Variants in TESK2 observed in about 807,000 individuals in gnomAD.
TESK2 encodes the protein testis associated actin remodelling kinase 2, also known as dual specificity testis-specific protein kinase 2.
TESK2 carries 39 observed loss-of-function variants against 57.1 expected under a neutral mutation model. The observed-to-expected ratio is 0.68, with a 90% confidence interval of 0.53 to 0.89. TESK2 has a LOEUF of 0.89. Among genes scored for constraint, TESK2 ranks in the 40% least tolerant of loss-of-function variants. TESK2 has a pLI of 0.00. For synonymous variants in TESK2, 249 were observed against 267.9 expected, an observed-to-expected ratio of 0.93 and a Z score of 0.69; for missense variants, 646 against 732.1, an observed-to-expected ratio of 0.88 and a Z score of 1.36.
At chr1:45,460,564 G>A (rs1309951005) in intron 1 of TESK2, among the ~76,000 whole-genome samples, 1 of 151,836 alleles carries the variant, frequency 6.6e-6, no homozygotes, top group Non-Finnish European at 1.5e-5. Flanking sequence ...AAATAGGGTC[G>A]GGTGCAGGGG....
intron 1 of TESK2, among the ~76,000 whole-genome samples, chr1:45,464,896 T>C (rs1652479890): frequency 6.6e-6 from 1 of 151,958 alleles, no homozygotes; most frequent in Non-Finnish European, 1.5e-5. Context: ...AGGTCAGGAG[T>C]TCCAGACTGG....
intron 1 of TESK2, among the ~76,000 whole-genome samples, chr1:45,459,219 C>T (rs1212253577): frequency 1.3e-5 from 2 of 152,172 alleles, no homozygotes; most frequent in Non-Finnish European, 2.9e-5. Flanking sequence ...CATGTAAACT[C>T]AGAAGCTGCT....
intron 4 of TESK2, among the ~76,000 whole-genome samples, chr1:45,371,887 T>C (rs1648202508): frequency 6.6e-6 from 1 of 151,450 alleles, no homozygotes; most frequent in East Asian, 1.9e-4. Context: ...GAAAATAGAA[T>C]GGTTGTTACC....
At chr1:45,488,723 C>T (rs1323989448) in intron 1 of TESK2, among the ~76,000 whole-genome samples, 2 of 152,196 alleles carry the variant, frequency 1.3e-5, no homozygotes, top group Non-Finnish European at 2.9e-5. Flanking sequence ...AACCAGCTCT[C>T]CTTCACAACC....
At chr1:45,488,343 A>G (rs1653570382) in intron 1 of TESK2, among the ~76,000 whole-genome samples, 1 of 152,164 alleles carries the variant, frequency 6.6e-6, no homozygotes, top group Non-Finnish European at 1.5e-5. Context: ...CTCCACAGAT[A>G]AGTAATCACA....
intron 1 of TESK2, among the ~76,000 whole-genome samples, chr1:45,474,647 AT>A (rs1652910685): frequency 6.6e-6 from 1 of 151,012 alleles, no homozygotes; most frequent in Admixed American, 6.6e-5. Flanking sequence ...TAATTTTTGT[AT>A]TTTTAGTATA....
chr1:45,462,189 A>G (rs959425744), intron 1 of TESK2, among the ~76,000 whole-genome samples: 7 of 152,134 alleles, frequency 4.6e-5, no homozygotes, highest in African/African-American at 1.7e-4. Flanking sequence ...AAGAACATGC[A>G]AAGTTTGTCC....
At chr1:45,472,110 G>A (rs1652789500) in intron 1 of TESK2, among the ~76,000 whole-genome samples, 1 of 151,806 alleles carries the variant, frequency 6.6e-6, no homozygotes, top group South Asian at 2.1e-4. Flanking sequence ...AAATTAGCCG[G>A]GTATGGTGGC....
At chr1:45,451,104 T>A (rs917384144) in intron 2 of TESK2, among the ~76,000 whole-genome samples, 1 of 152,220 alleles carries the variant, frequency 6.6e-6, no homozygotes, top group Non-Finnish European at 1.5e-5. Flanking sequence ...TTGGTGCTGA[T>A]GGTGCCTCAT....
At chr1:45,394,297 G>A (rs1026644025) in intron 3 of TESK2, among the ~76,000 whole-genome samples, 1 of 150,620 alleles carries the variant, frequency 6.6e-6, no homozygotes, top group Non-Finnish European at 1.5e-5. Flanking sequence ...TGAGCAGCTG[G>A]GACTACAGGC....
At chr1:45,426,333 T>G (rs996122036) in intron 2 of TESK2, among the ~76,000 whole-genome samples, 3 of 152,142 alleles carry the variant, frequency 2.0e-5, no homozygotes, top group African/African-American at 7.2e-5. Context: ...TCAACAAAAG[T>G]ACCAAGAACA....
At chr1:45,391,564 C>T (rs1237568660) in intron 3 of TESK2, among the ~76,000 whole-genome samples, 2 of 152,080 alleles carry the variant, frequency 1.3e-5, no homozygotes, top group Non-Finnish European at 2.9e-5. Context: ...GTCTGGAACA[C>T]AGTAAGCTAG....
At chr1:45,416,156 C>T (rs1260811838) in intron 3 of TESK2, among the ~76,000 whole-genome samples, 5 of 130,870 alleles carry the variant, frequency 3.8e-5, no homozygotes, top group African/African-American at 1.4e-4. Context: ...GATCTCAGCT[C>T]ACTACAAGTT....
At chr1:45,477,347 C>G (rs895225134) in intron 1 of TESK2, among the ~76,000 whole-genome samples, 8 of 152,002 alleles carry the variant, frequency 5.3e-5, no homozygotes, top group African/African-American at 1.9e-4. Context: ...GGTTTGCTTC[C>G]TTTAATATTT....
chr1:45,483,632 G>A (rs1378921312), intron 1 of TESK2, among the ~76,000 whole-genome samples: 3 of 152,034 alleles, frequency 2.0e-5, no homozygotes, highest in East Asian at 3.9e-4. Flanking sequence ...AATGAAGCCA[G>A]GTTATGCAAC....
intron 1 of TESK2, among the ~76,000 whole-genome samples, chr1:45,484,433 G>A (rs746170894): frequency 1.3e-4 from 19 of 151,794 alleles, no homozygotes; most frequent in Non-Finnish European, 1.8e-4. Flanking sequence ...GTAAGCATTC[G>A]CCTAAAGAAA....
chr1:45,355,169 A>G, intron 5 of TESK2, 134 bp downstream of exon 5: 1 of 1,120,314 alleles, frequency 8.9e-7, no homozygotes, highest in Non-Finnish European at 1.3e-6. Context: ...GAAAAGATGT[A>G]GGCTTTCTAA....
intron 3 of TESK2, among the ~76,000 whole-genome samples, chr1:45,414,725 A>C (rs558733690): frequency 9.2e-5 from 14 of 152,350 alleles, no homozygotes; most frequent in Non-Finnish European, 1.8e-4. Flanking sequence ...TACAGTAGGC[A>C]CTAGCTTCAT....
At chr1:45,356,576 A>G (rs1325384987) in intron 4 of TESK2, among the ~76,000 whole-genome samples, 2 of 150,872 alleles carry the variant, frequency 1.3e-5, no homozygotes, top group Non-Finnish European at 3.0e-5. Flanking sequence ...GATCATGCCA[A>G]TGCACTCCAG....
Sources: gnomAD v4.1 joint callset for allele counts (sites outside exome capture counted in the v4.1 genomes callset) on GRCh38, gnomAD v4.1.1 for gene constraint, MANE v1.5 for transcripts, NCBI Gene and HGNC (gene_info 2026-07-23, HGNC 2026-07-21) for gene names.